Variants in SESTD1 observed in about 807,000 individuals in gnomAD.
The protein encoded by SESTD1 is SEC14 domain and spectrin repeat-containing protein 1.
Under a neutral mutation model 101.7 loss-of-function variants are expected in SESTD1, and 43 were observed. The ratio of observed to expected loss-of-function variants is 0.42; its 90% CI spans 0.33 to 0.55. The LOEUF (loss-of-function observed/expected upper bound fraction) is 0.55, where lower values mean the gene tolerates loss of function less well. Among genes scored for constraint, SESTD1 ranks in the 20% least tolerant of loss-of-function variants. The probability of loss-of-function intolerance (pLI) is 0.07; values close to 1 mark genes in which losing one functional copy is unlikely to be tolerated. For synonymous variants in SESTD1, 283 were observed against 286.8 expected (o/e 0.99, Z 0.13); for missense variants, 647 against 815.1 (o/e 0.79, Z 2.51).
chr2:179,188,597 C>G (rs1431172871), intron 2 of SESTD1, among the ~76,000 whole-genome samples: 1 of 152,028 alleles, frequency 6.6e-6, no homozygotes, highest in Admixed American at 6.6e-5. Flanking sequence ...CTTGTTTGTA[C>G]TACTGATCTC....
At chr2:179,112,191 C>T (rs531310431) in intron 17 of SESTD1, among the ~76,000 whole-genome samples, 3 of 152,174 alleles carry the variant, frequency 2.0e-5, no homozygotes, top group South Asian at 2.1e-4. Context: ...TGGAGCCACA[C>T]AGACATACCT....
At chr2:179,230,246 C>T (rs2046967051) in intron 1 of SESTD1, among the ~76,000 whole-genome samples, 2 of 149,068 alleles carry the variant, frequency 1.3e-5, no homozygotes, top group African/African-American at 4.9e-5. Context: ...AGTGATCTTC[C>T]CACCTCAACC....
Position 179,198,358 on chromosome 2 carries a change from A to T in SESTD1, c.-25-6492T>A, listed in dbSNP as rs1036032504. Among the ~76,000 whole-genome samples the T allele has an allele frequency of 5.3e-5, 8 of 152,314 alleles. No individual in the cohort carries two copies. In the South Asian group the frequency reaches 1.0e-3, roughly 20 times the overall value. ...TAGACTCCCACACATTAATAATGGGAGACTTTAACACCCCACTGTCAACAT... is the reference window on the plus strand; with the variant it reads ...TAGACTCCCACACATTAATAATGGGTGACTTTAACACCCCACTGTCAACAT... On this transcript the variant is annotated intron_variant, in intron 1 of 17. Coordinates refer to ENST00000428443, the MANE Select transcript of SESTD1 (RefSeq NM_178123.5).
chr2:179,189,009 G>A (rs2046279633), intron 2 of SESTD1, among the ~76,000 whole-genome samples: 1 of 152,098 alleles, frequency 6.6e-6, no homozygotes, highest in Admixed American at 6.6e-5. Context: ...ATACAGAGAA[G>A]AGCTAGTACC....
chr2:179,156,213 GTTTC>G (rs1464077247), intron 5 of SESTD1, among the ~76,000 whole-genome samples: 4 of 151,876 alleles, frequency 2.6e-5, no homozygotes, highest in Non-Finnish European at 4.4e-5. Flanking sequence ...ATACATCACA[GTTTC>G]TTTATCCACT....
intron 1 of SESTD1, among the ~76,000 whole-genome samples, chr2:179,218,717 C>T (rs951524723): frequency 6.6e-6 from 1 of 152,130 alleles, no homozygotes; most frequent in Admixed American, 6.5e-5. Context: ...AACTATCTTT[C>T]CCAGTATTGT....
chr2:179,198,625 C>G (rs562242494), intron 1 of SESTD1, among the ~76,000 whole-genome samples: 6 of 151,856 alleles, frequency 4.0e-5, no homozygotes, highest in African/African-American at 1.5e-4. Context: ...ACAGTGCAAT[C>G]AAACTAGAAC....
At chr2:179,235,272 A>C in intron 1 of SESTD1, among the ~76,000 whole-genome samples, 1 of 152,190 alleles carries the variant, frequency 6.6e-6, no homozygotes, top group East Asian at 1.9e-4. Context: ...TAAGGGGCAT[A>C]ATGTCTACAA....
In SESTD1 at chr2:179,121,847, C is replaced by T. The variant is rs77170067; in HGVS notation, c.1365G>A (p.Lys455=). The change falls in exon 13 of 18, where the codon AAG becomes AAA. Residue 455 remains lysine, a synonymous_variant. Coordinates refer to ENST00000428443, the MANE Select transcript of SESTD1 (RefSeq NM_178123.5). Reference sequence around the variant, plus strand: ...TTTCTTTATTTTCAATGGTTACATCCTTTCCATAGGCCCAGGATGCCTGAT... The same window carrying T: ...TTTCTTTATTTTCAATGGTTACATCTTTTCCATAGGCCCAGGATGCCTGAT... ...ISNQASWAYG[K]DVTIENKENV... 1,066 of 1,609,988 alleles carry T rather than the reference C, an allele frequency of 6.6e-4. 9 individuals are homozygous for T. The African/African-American group carries it at 0.013, about 19-fold the overall frequency.
At chr2:179,261,782 A>C (rs1211244165) in intron 1 of SESTD1, among the ~76,000 whole-genome samples, 1 of 152,146 alleles carries the variant, frequency 6.6e-6, no homozygotes, top group Non-Finnish European at 1.5e-5. Context: ...AAGGAATGTA[A>C]AACAGTGCAG....
chr2:179,242,943 T>TGAC (rs1210435351), intron 1 of SESTD1, among the ~76,000 whole-genome samples: 2 of 152,026 alleles, frequency 1.3e-5, no homozygotes, highest in African/African-American at 4.8e-5. Context: ...AAACAAAAAT[T>TGAC]GACAAGTGGT....
chr2:179,197,659 A>T (rs2046424568), intron 1 of SESTD1, among the ~76,000 whole-genome samples: 2 of 152,254 alleles, frequency 1.3e-5, no homozygotes, highest in Admixed American at 1.3e-4. Flanking sequence ...AATATTCAAC[A>T]TTCTTAAAGA....
chr2:179,213,641 C>A (rs533906489), intron 1 of SESTD1, among the ~76,000 whole-genome samples: 1 of 134,316 alleles, frequency 7.4e-6, no homozygotes, highest in South Asian at 2.9e-4. Context: ...TTAGGAAATA[C>A]AAAGAATACC....
intron 7 of SESTD1, among the ~76,000 whole-genome samples, chr2:179,147,494 TGGGA>T (rs1335635687): frequency 6.6e-6 from 1 of 151,994 alleles, no homozygotes; most frequent in Non-Finnish European, 1.5e-5. Flanking sequence ...CCTGAGTAGC[TGGGA>T]CTACAGGTGC....
At chr2:179,198,869 G>A (rs576341826) in intron 1 of SESTD1, among the ~76,000 whole-genome samples, 1 of 151,212 alleles carries the variant, frequency 6.6e-6, no homozygotes, top group South Asian at 2.1e-4. Context: ...ATCCAAAATT[G>A]ACACCCTAAC....
chr2:179,140,821 C>A (rs2045260752), intron 9 of SESTD1, among the ~76,000 whole-genome samples: 1 of 152,152 alleles, frequency 6.6e-6, no homozygotes, highest in South Asian at 2.1e-4. Flanking sequence ...TTTACTCAAC[C>A]TTACAACAGC....
chr2:179,132,426 C>A lies in SESTD1; in HGVS notation c.850G>T (p.Val284Leu). Residue 284 changes from valine to leucine, a missense_variant and splice_region_variant, in exon 10 of 18, where the codon GTG becomes TTG. Val to Leu is a conservative substitution (Grantham distance 32). Around this residue, in one of 3 missense-constraint regions of SESTD1, gnomAD observed 476 missense variants for 562.6 expected, o/e 0.85. Coordinates refer to ENST00000428443, the MANE Select transcript of SESTD1 (RefSeq NM_178123.5). Reference sequence around the variant, plus strand: ...CCAGGCCCTTCTAGCCAGTTCACCACCTATAAACAAAAGTTGAGATAACAT... The same window carrying A: ...CCAGGCCCTTCTAGCCAGTTCACCAACTATAAACAAAAGTTGAGATAACAT... The part of the protein sequence containing the change: ...LEEIQQKVMQ[V>L]VNWLEGPGSE... 6.5e-7 allele frequency: 1 copy of A among 1,546,136 alleles called. No individual in the cohort carries two copies. The highest frequency in any genetic ancestry group is 1.5e-5 in the African/African-American group (1 of 68,080).
intron 2 of SESTD1, among the ~76,000 whole-genome samples, chr2:179,183,870 GAGGA>G (rs141982721): frequency 0.026 from 3,828 of 148,748 alleles, 75 homozygotes; most frequent in Non-Finnish European, 0.034. Context: ...GAGAGACAGA[GAGGA>G]AGGAAGGAAG....
In SESTD1 at chr2:179,264,739, T is replaced by A. The variant is rs1472658355; in HGVS notation, c.-266A>T. On this transcript the variant is annotated 5_prime_UTR_variant, in exon 1 of 18. Coordinates refer to ENST00000428443, the MANE Select transcript of SESTD1 (RefSeq NM_178123.5). ...CGGGGGTGCGGGTGGCCCGGCGACC[T>A]CTCGGCACCCGCGGCCCGAGCCGCG... 5.3e-5 allele frequency: 8 copies of A among 150,960 alleles called. No individual in the cohort carries two copies. Among genetic ancestry groups the A allele is most frequent in the African/African-American group, 2.0e-4 (8 of 40,988 alleles). 9.4% of individuals were successfully genotyped at this position (150,960 alleles called of 1,614,324 possible). A position where few individuals can be genotyped will look rare whatever the true frequency, so the allele number is the denominator to read the frequency against.
Sources: allele counts gnomAD v4.1 joint callset (sites outside exome capture counted in the v4.1 genomes callset), GRCh38; gene constraint gnomAD v4.1.1; regional missense constraint gnomAD v4.1.1; transcripts MANE v1.5; gene names NCBI Gene and HGNC (gene_info 2026-07-23, HGNC 2026-07-21).